Variants in HACL1 observed in about 807,000 individuals in gnomAD.
The protein encoded by HACL1 is 1600020H07Rik.
HACL1 carries 64 observed loss-of-function variants against 74.2 expected under a neutral mutation model. The ratio of observed to expected loss-of-function variants is 0.86; its 90% CI spans 0.70 to 1.06. HACL1 has a LOEUF of 1.06. Among genes scored for constraint, HACL1 ranks in the 50% least tolerant of loss-of-function variants. The pLI is 0.00. For synonymous variants in HACL1, 230 were observed against 238.8 expected (o/e 0.96, Z 0.34); for missense variants, 728 against 719.7 (o/e 1.01, Z -0.13).
chr3:15,579,015 C>A (rs1343331559), intron 9 of HACL1, among the ~76,000 whole-genome samples: 2 of 152,232 alleles, frequency 1.3e-5, no homozygotes, highest in Non-Finnish European at 2.9e-5. Context: ...CTCAAAACAG[C>A]ACAGCAAAGG....
At chr3:15,561,943 G>A (rs1323924689) in intron 16 of HACL1, among the ~76,000 whole-genome samples, 1 of 152,172 alleles carries the variant, frequency 6.6e-6, no homozygotes, top group African/African-American at 2.4e-5. Flanking sequence ...GCATCCCAAA[G>A]GGCTGGGATT....
chr3:15,567,112 G>A (rs904791512), intron 14 of HACL1, among the ~76,000 whole-genome samples: 2 of 151,186 alleles, frequency 1.3e-5, no homozygotes, highest in East Asian at 2.0e-4. Flanking sequence ...GAGCTACCAC[G>A]CCCAGCCTTG....
At chr3:15,579,446 G>T (rs572375359) in intron 9 of HACL1, among the ~76,000 whole-genome samples, 1 of 152,236 alleles carries the variant, frequency 6.6e-6, no homozygotes, top group South Asian at 2.1e-4. Flanking sequence ...AAAAAGAAAT[G>T]AACAGATAGA....
rs1229954372 is a variant in HACL1, at chr3:15,601,286, C to T, written c.82-92G>A. 24 of 1,577,312 alleles carry T rather than the reference C, an allele frequency of 1.5e-5. No individual in the cohort carries two copies. In the East Asian group the frequency reaches 4.9e-4, roughly 32 times the overall value. On this transcript the variant is annotated intron_variant, in intron 1 of 16. Coordinates refer to ENST00000321169, the MANE Select transcript of HACL1 (RefSeq NM_012260.4). ...TCCCGGGCGCTAAAAGGAAAACCCC[C>T]CGACCCCCATCGCCCATTTCTACTC...
chr3:15,576,759 C>T (rs1285885823), intron 9 of HACL1, among the ~76,000 whole-genome samples: 1 of 151,984 alleles, frequency 6.6e-6, no homozygotes, highest in Non-Finnish European at 1.5e-5. Flanking sequence ...TGTCTTTTGC[C>T]ATACAGGATC....
chr3:15,573,065 A>G, intron 11 of HACL1, 94 bp downstream of exon 11: 1 of 749,614 alleles, frequency 1.3e-6, no homozygotes, highest in Non-Finnish European at 2.4e-6. Context: ...TATGAATAGT[A>G]GACCCGTTAC....
intron 14 of HACL1, among the ~76,000 whole-genome samples, chr3:15,566,361 A>G (rs2063433835): frequency 6.6e-6 from 1 of 152,216 alleles, no homozygotes; most frequent in Admixed American, 6.5e-5. Context: ...ATCACCTCAG[A>G]ATTTAGCTGG....
intron 3 of HACL1, among the ~76,000 whole-genome samples, chr3:15,592,417 C>CACACACGTATGCATGTAGACACACGTATA (rs1559561575): frequency 8.7e-5 from 13 of 148,682 alleles, no homozygotes; most frequent in African/African-American, 3.2e-4. Context: ...CACACGTATA[C>CACACACGTATGCATGTAGACACACGTATA]ACACACGTAT....
chr3:15,587,523 A>C (rs1347968754), intron 5 of HACL1, among the ~76,000 whole-genome samples: 1 of 150,618 alleles, frequency 6.6e-6, no homozygotes. Flanking sequence ...AGATACTTGG[A>C]TTCTTTCTCT....
chr3:15,586,954 G>A (rs746849976), intron 5 of HACL1, among the ~76,000 whole-genome samples: 12 of 152,098 alleles, frequency 7.9e-5, no homozygotes, highest in Admixed American at 3.9e-4. Context: ...GCATATCTTT[G>A]GATCCAGCAA....
At chr3:15,568,671 T>C in intron 12 of HACL1, 85 bp from the exon 13 acceptor site, 2 of 792,348 alleles carry the variant, frequency 2.5e-6, no homozygotes, top group Non-Finnish European at 4.1e-6. Context: ...CAAACTTATT[T>C]GGAAATACGC....
chr3:15,585,207 A>C lies in HACL1; in HGVS notation c.554+41T>G, dbSNP rs570384586. On this transcript the variant is annotated intron_variant, in intron 7 of 16. Transcript: ENST00000321169. The stretch of plus-strand genomic sequence containing the variant: ...AAAAAGGTAGGCATTATGATAATAC[A>C]TGTACATTGAAGAAAGAATTCCAGC... The C allele has an allele frequency of 1.4e-4, 136 of 939,882 alleles. No individual in the cohort carries two copies. The South Asian group carries it at 1.7e-3, about 12-fold the overall frequency. 58.2% of individuals were successfully genotyped at this position (939,882 alleles called of 1,614,324 possible). A position where few individuals can be genotyped will look rare whatever the true frequency, so the allele number is the denominator to read the frequency against.
chr3:15,565,931 A>G (rs970478210), intron 14 of HACL1, among the ~76,000 whole-genome samples: 5 of 152,248 alleles, frequency 3.3e-5, no homozygotes, highest in African/African-American at 1.2e-4. Context: ...AATTATTTAT[A>G]TAGCATTCAT....
intron 8 of HACL1, among the ~76,000 whole-genome samples, chr3:15,581,801 T>G (rs971934279): frequency 2.0e-5 from 3 of 152,250 alleles, no homozygotes; most frequent in Non-Finnish European, 4.4e-5. Context: ...TAGGAACCAC[T>G]ATTTCTCTGT....
chr3:15,580,911 T>C (rs1025464940), intron 8 of HACL1, among the ~76,000 whole-genome samples: 13 of 152,252 alleles, frequency 8.5e-5, no homozygotes, highest in Non-Finnish European at 1.5e-4. Context: ...TTTTTTGTTG[T>C]TGTTGTTGAG....
chr3:15,572,393 G>T (rs1382332666), intron 11 of HACL1, among the ~76,000 whole-genome samples: 6 of 152,162 alleles, frequency 3.9e-5, no homozygotes, highest in African/African-American at 1.2e-4. Flanking sequence ...TCTGCCAGAT[G>T]CTGGGATGCC....
rs1372272880 is a variant in HACL1, at chr3:15,586,604, TACATGGA to T, written c.382-9_382-3del. 2 of 1,556,302 alleles carry T rather than the reference TACATGGA, an allele frequency of 1.3e-6. No homozygotes were observed. The highest frequency in any genetic ancestry group is 1.8e-6 in the Non-Finnish European group (2 of 1,129,486). ...GGTATATAATCTACAAGCTTCAACCTACATGGAAAATGAAAATCACTTAAAATTCAGC... is the reference window on the plus strand; with the variant it reads ...GGTATATAATCTACAAGCTTCAACCTAAATGAAAATCACTTAAAATTCAGC... On this transcript the variant is annotated splice_polypyrimidine_tract_variant and splice_region_variant and intron_variant, in intron 5 of 16. Transcript: ENST00000321169.
rs550893422 is a variant in HACL1, at chr3:15,582,039, C to T, written c.667+838G>A. On this transcript the variant is annotated intron_variant, in intron 8 of 16. Coordinates refer to ENST00000321169, the MANE Select transcript of HACL1 (RefSeq NM_012260.4). ...AGCTAATACATCATACAACACATTC[C>T]ACTCAGTTCTGACCTCAATTTTTTT... Among the ~76,000 whole-genome samples, 20 of 152,340 alleles carry T rather than the reference C, an allele frequency of 1.3e-4. No homozygotes were observed. The East Asian group carries it at 2.9e-3, about 22-fold the overall frequency.
intron 4 of HACL1, among the ~76,000 whole-genome samples, chr3:15,590,333 T>C (rs1173871508): frequency 6.6e-6 from 1 of 150,444 alleles, no homozygotes; most frequent in Non-Finnish European, 1.5e-5. Context: ...TCCTTCAATG[T>C]GGAAAAAAAA....
Sources: gnomAD v4.1 joint callset for allele counts (sites outside exome capture counted in the v4.1 genomes callset) on GRCh38, gnomAD v4.1.1 for gene constraint, MANE v1.5 for transcripts, NCBI Gene and HGNC (gene_info 2026-07-23, HGNC 2026-07-21) for gene names.